The following CSNK2A2IP variants were observed in gnomAD, a reference collection of about 807,000 sequenced individuals.
The protein encoded by CSNK2A2IP is casein kinase II subunit alpha'-interacting protein.
the CSNK2A2IP span, among the ~76,000 whole-genome samples, chr3:88,414,995 T>C: frequency 0.014 from 2,090 of 151,880 alleles, 167 homozygotes; most frequent in Admixed American, 0.13. Context: ...CCAAAAACTT[T>C]AGTATGACAG....
At chr3:88,344,984 G>C in the CSNK2A2IP span, among the ~76,000 whole-genome samples, 1 of 151,910 alleles carries the variant, frequency 6.6e-6, no homozygotes, top group African/African-American at 2.4e-5. Context: ...AGTGCTTAAG[G>C]ATTTGGAAGA....
the CSNK2A2IP span, among the ~76,000 whole-genome samples, chr3:88,420,213 A>G: frequency 6.6e-6 from 1 of 152,224 alleles, no homozygotes; most frequent in Middle Eastern, 3.2e-3. Context: ...CACTTGAATT[A>G]GGAACTATCA....
the CSNK2A2IP span, among the ~76,000 whole-genome samples, chr3:88,450,275 C>T: frequency 6.6e-6 from 1 of 152,124 alleles, no homozygotes; most frequent in Non-Finnish European, 1.5e-5. Flanking sequence ...AGCAAATTAA[C>T]ATGACTATAA....
chr3:88,378,598 G>A, the CSNK2A2IP span, among the ~76,000 whole-genome samples: 8 of 151,842 alleles, frequency 5.3e-5, no homozygotes, highest in South Asian at 2.1e-4. Flanking sequence ...AAATAGACAC[G>A]TATGGCTAAT....
the CSNK2A2IP span, among the ~76,000 whole-genome samples, chr3:88,451,495 TAAGACAGCAATGAAC>T: frequency 1.3e-5 from 2 of 151,952 alleles, no homozygotes; most frequent in African/African-American, 4.8e-5. Flanking sequence ...TCCTCTTGAG[TAAGACAGCAATGAAC>T]TCAATAACCT....
the CSNK2A2IP span, chr3:88,466,282 G>A: frequency 3.1e-5 from 38 of 1,231,522 alleles, no homozygotes; most frequent in South Asian, 1.5e-3. Flanking sequence ...ATCATATTTT[G>A]TCCACCCATC....
the CSNK2A2IP span, among the ~76,000 whole-genome samples, chr3:88,455,637 C>T: frequency 6.6e-6 from 1 of 151,756 alleles, no homozygotes; most frequent in East Asian, 1.9e-4. Flanking sequence ...CATATTTTCT[C>T]TTATTCTGTG....
chr3:88,410,301 A>G, the CSNK2A2IP span, among the ~76,000 whole-genome samples: 1 of 152,040 alleles, frequency 6.6e-6, no homozygotes, highest in Admixed American at 6.6e-5. Context: ...CTTTTTTTAT[A>G]GAGTGATTTA....
the CSNK2A2IP span, among the ~76,000 whole-genome samples, chr3:88,341,433 C>A: frequency 6.6e-6 from 1 of 151,428 alleles, no homozygotes; most frequent in African/African-American, 2.4e-5. Flanking sequence ...TGTATGAATT[C>A]TTGTTCTAAA....
At chr3:88,400,269 G>A in the CSNK2A2IP span, among the ~76,000 whole-genome samples, 3 of 152,244 alleles carry the variant, frequency 2.0e-5, no homozygotes, top group East Asian at 1.9e-4. Flanking sequence ...CCAGTAATGA[G>A]ACTGGTGGCC....
At chr3:88,466,338 G>T in the CSNK2A2IP span, 1 of 1,231,734 alleles carries the variant, frequency 8.1e-7, no homozygotes, top group Non-Finnish European at 1.0e-6. Flanking sequence ...CAATGTTTAT[G>T]CTTGATTGTA....
the CSNK2A2IP span, among the ~76,000 whole-genome samples, chr3:88,339,401 T>A: frequency 6.6e-6 from 1 of 152,128 alleles, no homozygotes; most frequent in Non-Finnish European, 1.5e-5. Context: ...TGAATAACAT[T>A]CCATTGTGTA....
chr3:88,346,538 T>C, the CSNK2A2IP span, among the ~76,000 whole-genome samples: 1 of 151,976 alleles, frequency 6.6e-6, no homozygotes, highest in Non-Finnish European at 1.5e-5. Context: ...TTAATAATTA[T>C]GCTAAATTTA....
chr3:88,369,554 G>C, the CSNK2A2IP span, among the ~76,000 whole-genome samples: 1 of 151,890 alleles, frequency 6.6e-6, no homozygotes, highest in Non-Finnish European at 1.5e-5. Context: ...CAGGGCAGAA[G>C]AATTGCTGAA....
the CSNK2A2IP span, among the ~76,000 whole-genome samples, chr3:88,445,123 T>C: frequency 6.6e-6 from 1 of 151,896 alleles, no homozygotes; most frequent in Non-Finnish European, 1.5e-5. Flanking sequence ...AAATGTTATA[T>C]TTGCAAATTT....
At chr3:88,439,740 CAA>C in the CSNK2A2IP span, among the ~76,000 whole-genome samples, 637 of 119,906 alleles carry the variant, frequency 5.3e-3, 5 homozygotes, top group African/African-American at 0.019. Flanking sequence ...GACTCTGTCT[CAA>C]AAAAAAAAAA....
the CSNK2A2IP span, among the ~76,000 whole-genome samples, chr3:88,448,139 G>GAAAAA: frequency 6.6e-6 from 1 of 152,214 alleles, no homozygotes. Context: ...TGAAGAGGAA[G>GAAAAA]AATGTTAATT....
the CSNK2A2IP span, among the ~76,000 whole-genome samples, chr3:88,452,840 A>G: frequency 6.6e-6 from 1 of 152,162 alleles, no homozygotes; most frequent in South Asian, 2.1e-4. Flanking sequence ...TCTAACAGTC[A>G]TTGAAATAGC....
the CSNK2A2IP span, among the ~76,000 whole-genome samples, chr3:88,406,672 T>C: frequency 2.0e-5 from 3 of 152,212 alleles, no homozygotes; most frequent in African/African-American, 7.2e-5. Context: ...ATACTAGTGT[T>C]TCCAAATAAA....
Sources: allele counts gnomAD v4.1 joint callset (sites outside exome capture counted in the v4.1 genomes callset), GRCh38; gene constraint gnomAD v4.1.1; transcripts MANE v1.5; gene names NCBI Gene and HGNC (gene_info 2026-07-23, HGNC 2026-07-21).